The following GABRA2 variants were observed in gnomAD, a reference collection of about 807,000 sequenced individuals.
The protein encoded by GABRA2 is gamma-aminobutyric acid receptor subunit alpha-2.
Under a neutral mutation model 48.7 loss-of-function variants are expected in GABRA2, and 16 were observed. The observed-to-expected ratio is 0.33, with a 90% CI of 0.22 to 0.50. The LOEUF is 0.50. GABRA2 is among the 20% of genes least tolerant of loss of function. GABRA2 has a pLI of 0.98. For missense variants in GABRA2, 275 were observed against 535.6 expected, an observed-to-expected ratio of 0.51 and a Z score of 4.80; for synonymous variants, 185 against 184.5, an observed-to-expected ratio of 1.00 and a Z score of -0.02.
chr4:46,261,999 A>G lies in GABRA2; in HGVS notation c.986T>C (p.Ile329Thr). 1 of 1,613,888 alleles carries G rather than the reference A, an allele frequency of 6.2e-7. No individual in the cohort carries two copies. Among genetic ancestry groups the G allele is most frequent in the Non-Finnish European group, 8.5e-7 (1 of 1,179,882 alleles). ...GAAGTAATTAACAGTTGCAAATTCA[A>G]TTAGGGCAGAGAACACAAATGCATA... ...VCYAFVFSALIEFATVNYFTK... is the reference protein window; with the variant it reads ...VCYAFVFSALTEFATVNYFTK... Residue 329 changes from isoleucine (I) to threonine (T), a missense_variant, in exon 9 of 10, where the codon ATT becomes ACT. Ile to Thr is a moderately conservative substitution (Grantham distance 89). Around this residue, in one of 4 missense-constraint regions of GABRA2, gnomAD observed 24 missense variants for 113.8 expected, o/e 0.21. Coordinates refer to ENST00000381620, the MANE Select transcript of GABRA2 (RefSeq NM_000807.4).
At chr4:46,348,610 G>T (rs370006721) in intron 3 of GABRA2, among the ~76,000 whole-genome samples, 9 of 151,138 alleles carry the variant, frequency 6.0e-5, no homozygotes, top group East Asian at 5.8e-4. Flanking sequence ...AAATGATGAG[G>T]TCATGTCCTT....
In GABRA2 at chr4:46,249,028, C is replaced by CTGTGTGTGTGTGTGTGTGTGTGTG. The variant is rs1444824447; in HGVS notation, c.*1279_*1280insCACACACACACACACACACACACA. The stretch of plus-strand genomic sequence containing the variant: ...TTTAAAATTGTGTTTTCTAATTTAG[C>CTGTGTGTGTGTGTGTGTGTGTGTG]TGTGTATGTGTGTGTGTGTGTGTGT... On this transcript the variant is annotated 3_prime_UTR_variant, in exon 10 of 10. Coordinates refer to ENST00000381620, the MANE Select transcript of GABRA2 (RefSeq NM_000807.4). 4 of 48,004 alleles carry CTGTGTGTGTGTGTGTGTGTGTGTG rather than the reference C, an allele frequency of 8.3e-5. No individual in the cohort carries two copies. Among genetic ancestry groups the CTGTGTGTGTGTGTGTGTGTGTGTG allele is most frequent in the African/African-American group, 2.9e-4 (4 of 13,582 alleles). 3.0% of individuals were successfully genotyped at this position (48,004 alleles called of 1,614,324 possible). A position where few individuals can be genotyped will look rare whatever the true frequency, so the allele number is the denominator to read the frequency against.
chr4:46,386,043 G>T (rs200089639), intron 3 of GABRA2, 31 bp downstream of exon 3: 12 of 1,336,564 alleles, frequency 9.0e-6, no homozygotes, highest in Non-Finnish European at 1.3e-5. Context: ...ATTATTTTAC[G>T]AGAGTTTTAA....
At chr4:46,367,236 T>C (rs139365528) in intron 3 of GABRA2, 42 of 152,182 alleles carry the variant, frequency 2.8e-4, no homozygotes, top group Non-Finnish European at 5.1e-4. Context: ...AGAAAAAAAT[T>C]GATTGTTGAA....
chr4:46,390,016 G>A lies in GABRA2; in HGVS notation c.-292C>T. 1.1e-6 allele frequency: 1 copy of A among 945,160 alleles called. No homozygotes were observed. Among genetic ancestry groups the A allele is most frequent in the African/African-American group, 1.9e-5 (1 of 52,024 alleles). 58.5% of individuals were successfully genotyped at this position (945,160 alleles called of 1,614,324 possible). ...GGAGGAGGAGGAAGAGGAGGAGGAG[G>A]AAGAGGAGGAGGGGGAAAACGATGA... On this transcript the variant is annotated 5_prime_UTR_variant, in exon 1 of 10. Transcript: ENST00000381620.
intron 7 of GABRA2, among the ~76,000 whole-genome samples, 166 bp from the exon 8 acceptor site, chr4:46,303,778 G>A (rs1726161413): frequency 6.6e-6 from 1 of 152,180 alleles, no homozygotes; most frequent in Admixed American, 6.6e-5. Flanking sequence ...AGCATAGCAT[G>A]AGTGTTTAGA....
intron 4 of GABRA2, among the ~76,000 whole-genome samples, chr4:46,327,303 A>C (rs1730556985): frequency 6.6e-6 from 1 of 151,992 alleles, no homozygotes; most frequent in Non-Finnish European, 1.5e-5. Context: ...GGAAACAACT[A>C]TTTTAAAAAA....
At chr4:46,288,975 T>C (rs1032667679) in intron 8 of GABRA2, among the ~76,000 whole-genome samples, 1 of 152,014 alleles carries the variant, frequency 6.6e-6, no homozygotes, top group African/African-American at 2.4e-5. Flanking sequence ...CATTGATGAT[T>C]AGAGAAATGA....
At chr4:46,306,616 G>T (rs193226710) in intron 6 of GABRA2, among the ~76,000 whole-genome samples, 2 of 152,150 alleles carry the variant, frequency 1.3e-5, no homozygotes, top group South Asian at 4.2e-4. Context: ...GAACTTCTAC[G>T]CACTTTTACT....
Position 46,265,457 on chromosome 4 carries a change from T to TAATATATATAC in GABRA2, c.857-3330_857-3329insGTATATATATT, listed in dbSNP as rs1560448651. On this transcript the variant is annotated intron_variant, in intron 8 of 9. Coordinates refer to ENST00000381620, the MANE Select transcript of GABRA2 (RefSeq NM_000807.4). Reference sequence around the variant, plus strand: ...ATATATAATATATTGTGTATATATATAATATATATATAATATATTGTGTAT... The same window carrying TAATATATATAC: ...ATATATAATATATTGTGTATATATATAATATATATACAATATATATATAATATATTGTGTAT... Among the ~76,000 whole-genome samples the TAATATATATAC allele has an allele frequency of 3.5e-3, 467 of 133,344 alleles. 13 individuals are homozygous for TAATATATATAC. Among genetic ancestry groups the TAATATATATAC allele is most frequent in the African/African-American group, 0.013 (445 of 34,000 alleles). 87.5% of individuals were successfully genotyped at this position (133,344 alleles called of 152,430 possible). A position where few individuals can be genotyped will look rare whatever the true frequency, so the allele number is the denominator to read the frequency against.
At chr4:46,288,220 A>G (rs1202112386) in intron 8 of GABRA2, among the ~76,000 whole-genome samples, 3 of 152,156 alleles carry the variant, frequency 2.0e-5, no homozygotes, top group Non-Finnish European at 2.9e-5. Flanking sequence ...ATCTTGGGCA[A>G]TTTTGAATGG....
chr4:46,252,922 C>T (rs1361118521), intron 9 of GABRA2, among the ~76,000 whole-genome samples: 3 of 151,474 alleles, frequency 2.0e-5, no homozygotes, highest in East Asian at 2.0e-4. Context: ...GGACGAATAT[C>T]TTATTCTAAC....
At chr4:46,261,119 T>TC (rs1237818899) in intron 9 of GABRA2, 1 of 151,954 alleles carries the variant, frequency 6.6e-6, no homozygotes, top group African/African-American at 2.4e-5. Flanking sequence ...AGCCTCCTCT[T>TC]AGGCAGATAC....
intron 4 of GABRA2, among the ~76,000 whole-genome samples, chr4:46,314,924 T>A (rs1179720186): frequency 6.6e-6 from 1 of 152,154 alleles, no homozygotes; most frequent in Non-Finnish European, 1.5e-5. Flanking sequence ...GTCTTTGCTA[T>A]CGTGAATAGT....
At chr4:46,388,520 C>T (rs550254583) in intron 2 of GABRA2, 116 bp downstream of exon 2, 4 of 1,228,984 alleles carry the variant, frequency 3.3e-6, no homozygotes, top group African/African-American at 1.5e-5. Context: ...CCCCATACAC[C>T]CCCTTTTCTG....
At chr4:46,251,906 A>T (rs1461345494) in intron 9 of GABRA2, among the ~76,000 whole-genome samples, 2 of 151,480 alleles carry the variant, frequency 1.3e-5, no homozygotes, top group Admixed American at 6.6e-5. Flanking sequence ...ATAAAATGAA[A>T]ATATAAATAG....
At chr4:46,298,136 T>G (rs371460280) in intron 8 of GABRA2, among the ~76,000 whole-genome samples, 1 of 152,132 alleles carries the variant, frequency 6.6e-6, no homozygotes, top group African/African-American at 2.4e-5. Context: ...TATTGAGAAT[T>G]CCTTATAGCC....
intron 1 of GABRA2, chr4:46,389,344 C>G (rs906600566): frequency 3.0e-6 from 3 of 985,318 alleles, no homozygotes; most frequent in Admixed American, 6.2e-5. Context: ...TTAGAGGCAG[C>G]CGGGTTCCGA....
At chr4:46,387,478 T>A (rs1225164341) in intron 2 of GABRA2, among the ~76,000 whole-genome samples, 1 of 152,132 alleles carries the variant, frequency 6.6e-6, no homozygotes, top group Non-Finnish European at 1.5e-5. Flanking sequence ...AGTATTCAAA[T>A]GAAGATAAAC....
Sources: gnomAD v4.1 joint callset for allele counts (sites outside exome capture counted in the v4.1 genomes callset) on GRCh38, gnomAD v4.1.1 for gene constraint, gnomAD v4.1.1 regional missense constraint, MANE v1.5 for transcripts, NCBI Gene and HGNC (gene_info 2026-07-23, HGNC 2026-07-21) for gene names.